CDC14B: variants seen among roughly 807,000 people sequenced by gnomAD.
CDC14B encodes dual specificity protein phosphatase CDC14B.
A neutral mutation model predicts 64.2 loss-of-function variants in CDC14B; 22 were observed. That is an observed-to-expected ratio of 0.34 (90% CI 0.24 to 0.49). The LOEUF is 0.49. Ranked by LOEUF, CDC14B falls within the 20% of genes least tolerant of loss-of-function variation. CDC14B has a pLI of 0.99. For synonymous variants in CDC14B, 191 were observed against 215.8 expected, an observed-to-expected ratio of 0.89 and a Z score of 1.01; for missense variants, 498 against 629.9, an observed-to-expected ratio of 0.79 and a Z score of 2.24.
chr9:96,518,013 G>T (rs904952019), intron 12 of CDC14B, among the ~76,000 whole-genome samples: 2 of 151,976 alleles, frequency 1.3e-5, no homozygotes, highest in African/African-American at 2.4e-5. Context: ...GGTTCTAGCA[G>T]TGAGGAAGGA....
intron 1 of CDC14B, among the ~76,000 whole-genome samples, chr9:96,595,514 T>C (rs951823421): frequency 2.6e-5 from 4 of 152,206 alleles, no homozygotes; most frequent in African/African-American, 9.7e-5. Context: ...TAAAAACTTG[T>C]ACGTGAATGT....
intron 12 of CDC14B, chr9:96,514,958 G>A (rs1835429670): frequency 1.0e-6 from 1 of 984,036 alleles, no homozygotes; most frequent in Non-Finnish European, 1.2e-6. Flanking sequence ...GTCTGGGCAA[G>A]GAGAAAAGCA....
chr9:96,592,689 C>G (rs892976395), intron 1 of CDC14B, among the ~76,000 whole-genome samples: 6 of 152,114 alleles, frequency 3.9e-5, no homozygotes, highest in Non-Finnish European at 5.9e-5. Flanking sequence ...AGGAGAATCA[C>G]TTGAACCTGG....
At chr9:96,557,125 G>A (rs766931617) in intron 4 of CDC14B, among the ~76,000 whole-genome samples, 16 of 152,218 alleles carry the variant, frequency 1.1e-4, no homozygotes, top group Non-Finnish European at 1.2e-4. Context: ...GGAAACGCCC[G>A]TCAGAAGCCC....
At chr9:96,532,917 A>T (rs1341866920) in intron 9 of CDC14B, among the ~76,000 whole-genome samples, 3 of 151,966 alleles carry the variant, frequency 2.0e-5, no homozygotes, top group African/African-American at 7.3e-5. Context: ...GTTATTTAAA[A>T]TTTTTTGCCT....
At chr9:96,591,534 C>A (rs182947165) in intron 1 of CDC14B, among the ~76,000 whole-genome samples, 39 of 151,152 alleles carry the variant, frequency 2.6e-4, no homozygotes, top group South Asian at 8.3e-4. Flanking sequence ...TTTTTTCTTT[C>A]CCCTTTTCAA....
At chr9:96,528,818 G>A (rs181440217) in intron 9 of CDC14B, among the ~76,000 whole-genome samples, 12 of 152,284 alleles carry the variant, frequency 7.9e-5, no homozygotes, top group African/African-American at 2.9e-4. Flanking sequence ...GTATAAAGTG[G>A]TATCTCACTG....
intron 1 of CDC14B, chr9:96,566,706 C>T: frequency 6.6e-7 from 1 of 1,521,612 alleles, no homozygotes; most frequent in South Asian, 1.2e-5. Flanking sequence ...GCCAGCACTG[C>T]CCGCCCTGTC....
intron 1 of CDC14B, among the ~76,000 whole-genome samples, chr9:96,580,034 T>C (rs1286297447): frequency 1.3e-5 from 2 of 152,072 alleles, no homozygotes; most frequent in African/African-American, 2.4e-5. Context: ...CACAGTCCGA[T>C]GAAAATAATC....
intron 13 of CDC14B, among the ~76,000 whole-genome samples, chr9:96,494,874 G>C (rs1452397414): frequency 5.5e-5 from 8 of 146,528 alleles, no homozygotes; most frequent in Non-Finnish European, 9.0e-5. Context: ...TCGCTCTGTC[G>C]CCCAGGCTGC....
chr9:96,558,765 T>C lies in CDC14B; in HGVS notation c.420+3928A>G, dbSNP rs148294848. ...ATTATCCCTCAATCTGGCCAGGTCA[T>C]AGCCACTGGCTTAAATAGGGCAGCA... On this transcript the variant is annotated intron_variant, in intron 4 of 13. Coordinates refer to ENST00000375241, the MANE Select transcript of CDC14B (RefSeq NM_033331.4). Among the ~76,000 whole-genome samples the C allele has an allele frequency of 1.8e-3, 270 of 152,372 alleles. 2 individuals carry two copies. Among genetic ancestry groups the C allele is most frequent in the South Asian group, 0.012 (56 of 4,830 alleles).
intron 9 of CDC14B, among the ~76,000 whole-genome samples, chr9:96,530,404 T>C (rs1838275912): frequency 6.6e-6 from 1 of 151,060 alleles, no homozygotes; most frequent in Non-Finnish European, 1.5e-5. Context: ...GCAATTCTCC[T>C]GCCTTAGCAT....
intron 12 of CDC14B, among the ~76,000 whole-genome samples, chr9:96,512,763 C>G (rs1470374568): frequency 6.6e-6 from 1 of 152,192 alleles, no homozygotes; most frequent in East Asian, 1.9e-4. Flanking sequence ...GAAGCCCAGG[C>G]CGGGGCACTC....
At chr9:96,519,296 T>C (rs1447067797) in intron 12 of CDC14B, among the ~76,000 whole-genome samples, 2 of 152,168 alleles carry the variant, frequency 1.3e-5, no homozygotes, top group African/African-American at 2.4e-5. Context: ...GACAATATAC[T>C]TGTCATCACG....
intron 1 of CDC14B, among the ~76,000 whole-genome samples, chr9:96,569,547 A>T (rs1186487661): frequency 6.6e-6 from 1 of 152,198 alleles, no homozygotes; most frequent in African/African-American, 2.4e-5. Context: ...TTGTTAGAGT[A>T]ACACATCAAT....
At chr9:96,601,520 G>T (rs531556529) in intron 1 of CDC14B, among the ~76,000 whole-genome samples, 1 of 148,978 alleles carries the variant, frequency 6.7e-6, no homozygotes, top group African/African-American at 2.5e-5. Context: ...CAAAAGGGCC[G>T]GGCGTGGCAC....
At chr9:96,561,446 G>A (rs1489943187) in intron 4 of CDC14B, among the ~76,000 whole-genome samples, 6 of 152,226 alleles carry the variant, frequency 3.9e-5, no homozygotes, top group Admixed American at 1.3e-4. Flanking sequence ...AGCTAGAAGT[G>A]GGGAAGAAAG....
At chr9:96,601,990 C>T (rs1235758471) in intron 1 of CDC14B, among the ~76,000 whole-genome samples, 1 of 145,710 alleles carries the variant, frequency 6.9e-6, no homozygotes, top group Admixed American at 6.9e-5. Context: ...ACCCAGGAGG[C>T]GGAGCTTTCA....
At chr9:96,581,624 T>A (rs753003527) in intron 1 of CDC14B, among the ~76,000 whole-genome samples, 4 of 151,992 alleles carry the variant, frequency 2.6e-5, no homozygotes, top group African/African-American at 9.7e-5. Flanking sequence ...TATCAAGGAT[T>A]TGGGGGCAGG....
Sources: allele counts gnomAD v4.1 joint callset (sites outside exome capture counted in the v4.1 genomes callset), GRCh38; gene constraint gnomAD v4.1.1; transcripts MANE v1.5; gene names NCBI Gene and HGNC (gene_info 2026-07-23, HGNC 2026-07-21).